Variants in BANK1 observed in about 807,000 individuals in gnomAD.
BANK1 encodes B cell scaffold protein with ankyrin repeats 1, also known as B-cell scaffold protein with ankyrin repeats.
Under a neutral mutation model 94.5 loss-of-function variants are expected in BANK1, and 95 were observed. The ratio of observed to expected loss-of-function variants is 1.00; its 90% CI spans 0.85 to 1.19. The LOEUF (loss-of-function observed/expected upper bound fraction) is 1.19, where lower values mean the gene tolerates loss of function less well. Among genes scored for constraint, BANK1 ranks in the 50% most tolerant of loss-of-function variants. BANK1 has a pLI of 0.00. For synonymous variants in BANK1, 334 were observed against 308.4 expected (o/e 1.08, Z -0.87); for missense variants, 987 against 932.2 (o/e 1.06, Z -0.77).
At chr4:102,034,709 A>T (rs1727441095) in intron 10 of BANK1, among the ~76,000 whole-genome samples, 1 of 152,172 alleles carries the variant, frequency 6.6e-6, no homozygotes, top group African/African-American at 2.4e-5. Flanking sequence ...AATTCATGCA[A>T]TAACCCCACA....
At chr4:101,854,942 A>G in intron 2 of BANK1, 93 bp from the exon 3 acceptor site, 4 of 942,874 alleles carry the variant, frequency 4.2e-6, no homozygotes, top group Non-Finnish European at 6.4e-6. Flanking sequence ...CCCGTATATT[A>G]AATTGGTTGT....
At chr4:101,881,693 A>C (rs901590807) in intron 5 of BANK1, among the ~76,000 whole-genome samples, 3 of 152,186 alleles carry the variant, frequency 2.0e-5, no homozygotes, top group Non-Finnish European at 4.4e-5. Context: ...TGAATGGATA[A>C]AGCAAATGTC....
At chr4:101,826,383 A>C (rs1726365609) in intron 1 of BANK1, among the ~76,000 whole-genome samples, 1 of 152,078 alleles carries the variant, frequency 6.6e-6, no homozygotes, top group African/African-American at 2.4e-5. Context: ...CTGTAAAATG[A>C]GGAAAACATT....
intron 7 of BANK1, among the ~76,000 whole-genome samples, chr4:101,986,899 G>GTGTGTGTGTGTGTATATATATATATA (rs1343197093): frequency 1.2e-5 from 1 of 82,670 alleles, no homozygotes; most frequent in African/African-American, 6.4e-5. Flanking sequence ...GTGTGTGTGT[G>GTGTGTGTGTGTGTATATATATATATA]TATATATATA....
Position 101,858,994 on chromosome 4 carries a change from A to G in BANK1, c.625-3532A>G, listed in dbSNP as rs186797736. On this transcript the variant is annotated intron_variant, in intron 3 of 16. Coordinates refer to ENST00000322953, the MANE Select transcript of BANK1 (RefSeq NM_017935.5). ...TGAAAGAATGTAACTCTTAAAGGCC[A>G]TAAGAATCTCAGAGATTACCTTTTT... 2.8e-3 allele frequency among the ~76,000 whole-genome samples: 433 copies of G among 152,300 alleles called. 3 individuals carry two copies. Among genetic ancestry groups the G allele is most frequent in the Middle Eastern group, 6.8e-3 (2 of 294 alleles).
At chr4:101,985,520 G>A (rs1361267119) in intron 7 of BANK1, among the ~76,000 whole-genome samples, 1 of 151,968 alleles carries the variant, frequency 6.6e-6, no homozygotes, top group Non-Finnish European at 1.5e-5. Context: ...CCCATAGTAG[G>A]ATTTCATAAT....
At chr4:101,882,310 A>C (rs1173109588) in intron 5 of BANK1, among the ~76,000 whole-genome samples, 1 of 152,198 alleles carries the variant, frequency 6.6e-6, no homozygotes. Context: ...TTATTTATGA[A>C]ATTGAATAAA....
intron 2 of BANK1, among the ~76,000 whole-genome samples, chr4:101,845,775 A>C (rs1381598977): frequency 6.6e-6 from 1 of 152,248 alleles, no homozygotes; most frequent in Admixed American, 6.5e-5. Context: ...ACATCAATGC[A>C]ATGTCAAATA....
Position 101,918,103 on chromosome 4 carries a change from A to T in BANK1, c.1120A>T (p.Met374Leu), listed in dbSNP as rs771310927. The change falls in exon 7 of 17, where the codon ATG becomes TTG. Residue 374 changes from methionine (M) to leucine (L), a missense_variant. Transcript: ENST00000322953. ...TTCAGGAGCAACCTGGGCATCTAAGATGAAAAATATGGAGGGTTCAGACCC... is the reference window on the plus strand; with the variant it reads ...TTCAGGAGCAACCTGGGCATCTAAGTTGAAAAATATGGAGGGTTCAGACCC... ...QCSGATWASK[M>L]KNMEGSDPAH... is the part of the protein sequence containing the mutation. 2.5e-6 allele frequency: 4 copies of T among 1,612,358 alleles called. No homozygotes were observed. In the Admixed American group the frequency reaches 6.7e-5, roughly 27 times the overall value.
chr4:101,927,384 C>G (rs1010723154), intron 7 of BANK1, among the ~76,000 whole-genome samples: 4 of 151,600 alleles, frequency 2.6e-5, no homozygotes, highest in Admixed American at 6.6e-5. Context: ...GATTACAATT[C>G]AAGATGAGAT....
chr4:101,913,804 C>A (rs1722743697), intron 6 of BANK1, among the ~76,000 whole-genome samples: 2 of 152,100 alleles, frequency 1.3e-5, no homozygotes, highest in South Asian at 4.1e-4. Context: ...ATTACTGCTG[C>A]TAATTTTAGG....
intron 11 of BANK1, among the ~76,000 whole-genome samples, chr4:102,051,399 T>C (rs1304662479): frequency 6.6e-6 from 1 of 152,176 alleles, no homozygotes; most frequent in Non-Finnish European, 1.5e-5. Context: ...AATAGCTCAG[T>C]TTTTGTCTAA....
At chr4:101,934,834 T>A (rs1029361722) in intron 7 of BANK1, among the ~76,000 whole-genome samples, 11 of 151,546 alleles carry the variant, frequency 7.3e-5, no homozygotes, top group African/African-American at 2.4e-4. Flanking sequence ...TTCATACACA[T>A]TTACCAATGC....
chr4:102,041,011 T>C (rs1043083439), intron 10 of BANK1, among the ~76,000 whole-genome samples: 16 of 152,080 alleles, frequency 1.1e-4, no homozygotes, highest in Non-Finnish European at 1.5e-5. Context: ...TATACAACTT[T>C]TTGGTTACAA....
At chr4:101,798,550 T>C (rs1725240920) in intron 1 of BANK1, among the ~76,000 whole-genome samples, 1 of 152,218 alleles carries the variant, frequency 6.6e-6, no homozygotes, top group Non-Finnish European at 1.5e-5. Context: ...TCTTCCACAA[T>C]GGTTGGACTA....
At chr4:101,837,829 T>A (rs1424432050) in intron 2 of BANK1, among the ~76,000 whole-genome samples, 1 of 152,132 alleles carries the variant, frequency 6.6e-6, no homozygotes, top group East Asian at 1.9e-4. Flanking sequence ...ATCAGGATAT[T>A]TTTAGCTGTG....
At chr4:101,943,331 G>A (rs1349845732) in intron 7 of BANK1, among the ~76,000 whole-genome samples, 1 of 151,910 alleles carries the variant, frequency 6.6e-6, no homozygotes, top group African/African-American at 2.4e-5. Context: ...CCACAGGATG[G>A]AGAACGTTGT....
At chr4:101,933,264 T>C (rs1310382274) in intron 7 of BANK1, among the ~76,000 whole-genome samples, 2 of 143,234 alleles carry the variant, frequency 1.4e-5, no homozygotes, top group Non-Finnish European at 3.0e-5. Context: ...TATGTTGGAG[T>C]GACAGGTAGC....
chr4:102,043,628 C>A (rs1016562657), intron 10 of BANK1, among the ~76,000 whole-genome samples: 7 of 152,016 alleles, frequency 4.6e-5, no homozygotes, highest in African/African-American at 1.2e-4. Context: ...TTATACTACT[C>A]TGCTCAATGA....
Sources: gnomAD v4.1 joint callset for allele counts (sites outside exome capture counted in the v4.1 genomes callset) on GRCh38, gnomAD v4.1.1 for gene constraint, MANE v1.5 for transcripts, NCBI Gene and HGNC (gene_info 2026-07-23, HGNC 2026-07-21) for gene names.